Variants in CBLB observed in about 807,000 individuals in gnomAD.
CBLB encodes E3 ubiquitin-protein ligase CBL-B.
A neutral mutation model predicts 104.9 loss-of-function variants in CBLB; 31 were observed. That is an observed-to-expected ratio of 0.30 (90% CI 0.22 to 0.40). CBLB has a LOEUF of 0.40. Among genes scored for constraint, CBLB ranks in the 10% least tolerant of loss-of-function variants. CBLB has a pLI of 1.00. For missense variants in CBLB, 1,062 were observed against 1,214.6 expected (o/e 0.87, Z 1.87); for synonymous variants, 440 against 422.6 (o/e 1.04, Z -0.51).
At chr3:105,684,739 G>C (rs1559812366) in intron 14 of CBLB, among the ~76,000 whole-genome samples, 1 of 152,018 alleles carries the variant, frequency 6.6e-6, no homozygotes, top group Non-Finnish European at 1.5e-5. Context: ...TTTTAGTAGA[G>C]ACAGGGTTTC....
chr3:105,664,359 G>A (rs1178619483), intron 18 of CBLB, among the ~76,000 whole-genome samples: 1 of 152,096 alleles, frequency 6.6e-6, no homozygotes, highest in Non-Finnish European at 1.5e-5. Flanking sequence ...AATTTAAAAT[G>A]ACATTTATTT....
At chr3:105,676,086 CAACAGGCTTGAAA>C (rs748632509) in intron 17 of CBLB, among the ~76,000 whole-genome samples, 5 of 150,532 alleles carry the variant, frequency 3.3e-5, no homozygotes, top group Non-Finnish European at 5.9e-5. Flanking sequence ...AAGAGAGAGT[CAACAGGCTTGAAA>C]AACATTGCCC....
At chr3:105,812,493 G>A (rs190067245) in intron 3 of CBLB, among the ~76,000 whole-genome samples, 1 of 152,154 alleles carries the variant, frequency 6.6e-6, no homozygotes, top group East Asian at 1.9e-4. Context: ...TCTTTTCTGA[G>A]GAAGATACGA....
chr3:105,840,958 T>C (rs1446090069), intron 3 of CBLB, among the ~76,000 whole-genome samples: 1 of 152,086 alleles, frequency 6.6e-6, no homozygotes, highest in Non-Finnish European at 1.5e-5. Flanking sequence ...AAACTGTTCC[T>C]TCTTTAATTA....
chr3:105,715,238 A>T (rs2071685897), intron 10 of CBLB, among the ~76,000 whole-genome samples: 1 of 152,182 alleles, frequency 6.6e-6, no homozygotes, highest in Non-Finnish European at 1.5e-5. Flanking sequence ...CTCACATCAG[A>T]TCTAATTATC....
At chr3:105,737,149 C>A (rs751170697) in intron 8 of CBLB, 22 bp downstream of exon 8, 1 of 1,276,554 alleles carries the variant, frequency 7.8e-7, no homozygotes, top group Non-Finnish European at 1.1e-6. Flanking sequence ...TTTAATTATA[C>A]TTTTCTAGCA....
In CBLB at chr3:105,688,254, C is replaced by T. The variant is rs537778083; in HGVS notation, c.2055-2788G>A. 6.6e-5 allele frequency among the ~76,000 whole-genome samples: 10 copies of T among 152,070 alleles called. No homozygotes were observed. The South Asian group carries it at 1.9e-3, about 28-fold the overall frequency. ...CCTTTATATTCTCATCTTACATTCCCGGAGTGTTCTGCACTGATGCTGTTA... is the reference window on the plus strand; with the variant it reads ...CCTTTATATTCTCATCTTACATTCCTGGAGTGTTCTGCACTGATGCTGTTA... On this transcript the variant is annotated intron_variant, in intron 13 of 18. Transcript: ENST00000394030.
intron 10 of CBLB, among the ~76,000 whole-genome samples, chr3:105,718,776 TG>T (rs2152822588): frequency 6.6e-6 from 1 of 152,276 alleles, no homozygotes; most frequent in East Asian, 1.9e-4. Flanking sequence ...GGAGGAAGGG[TG>T]GCACCATATA....
chr3:105,813,868 G>GA, intron 3 of CBLB, among the ~76,000 whole-genome samples: 1 of 152,096 alleles, frequency 6.6e-6, no homozygotes, highest in South Asian at 2.1e-4. Context: ...CTCACTTCTG[G>GA]AAAATCAGCT....
chr3:105,670,580 TTTTATA>T (rs1423755040), intron 17 of CBLB: 3 of 499,336 alleles, frequency 6.0e-6, no homozygotes, highest in African/African-American at 1.9e-5. Flanking sequence ...AGACTACTTG[TTTTATA>T]TTTATATTTT....
intron 18 of CBLB, among the ~76,000 whole-genome samples, chr3:105,667,846 C>G (rs548342867): frequency 2.6e-4 from 39 of 152,244 alleles, no homozygotes; most frequent in African/African-American, 7.9e-4. Flanking sequence ...CATACCAGAA[C>G]CCCATTTGGT....
Position 105,681,754 on chromosome 3 carries a change from T to G in CBLB, c.2266A>C (p.Asn756His), listed in dbSNP as rs2066346123. 6.2e-7 allele frequency: 1 copy of G among 1,610,944 alleles called. No homozygotes were observed. The highest frequency in any genetic ancestry group is 8.5e-7 in the Non-Finnish European group (1 of 1,177,234). The change falls in exon 15 of 19, where the codon AAC becomes CAC. Residue 756 changes from asparagine to histidine, a missense_variant. Asn to His is a moderately conservative substitution (Grantham distance 68, BLOSUM62 1). Transcript: ENST00000394030. ...THGPSSEKKS[N>H]IPDLSIYLKG... ...AAATATATGCTTAAGTCAGGGATGT[T>G]TGATTTCTTCTCTGAAGATGGACCA...
intron 3 of CBLB, among the ~76,000 whole-genome samples, chr3:105,815,027 A>C (rs917114035): frequency 2.0e-5 from 3 of 151,554 alleles, no homozygotes; most frequent in African/African-American, 7.3e-5. Context: ...AGATGAATTC[A>C]AATGCTAGCT....
intron 6 of CBLB, 86 bp downstream of exon 6, chr3:105,745,831 G>A: frequency 8.3e-7 from 1 of 1,199,830 alleles, no homozygotes; most frequent in Non-Finnish European, 1.2e-6. Context: ...GCCATCAGCG[G>A]GTATTGCTGA....
chr3:105,788,860 T>TTCTGCC (rs2081318543), intron 3 of CBLB, among the ~76,000 whole-genome samples: 1 of 152,204 alleles, frequency 6.6e-6, no homozygotes, highest in African/African-American at 2.4e-5. Flanking sequence ...GTTTGGCAGT[T>TTCTGCC]TCTGCCTCTG....
At chr3:105,747,823 A>C (rs1180039124) in intron 5 of CBLB, among the ~76,000 whole-genome samples, 1 of 152,188 alleles carries the variant, frequency 6.6e-6, no homozygotes, top group Non-Finnish European at 1.5e-5. Flanking sequence ...TGTTTGAAAA[A>C]AAATGCTAAA....
intron 18 of CBLB, among the ~76,000 whole-genome samples, chr3:105,660,261 T>G (rs976479530): frequency 1.3e-5 from 2 of 152,152 alleles, no homozygotes; most frequent in Non-Finnish European, 2.9e-5. Context: ...CTCAGCTCAC[T>G]GCAACCTCCA....
At chr3:105,675,784 T>C (rs147094465) in intron 17 of CBLB, among the ~76,000 whole-genome samples, 70 of 146,644 alleles carry the variant, frequency 4.8e-4, no homozygotes, top group African/African-American at 1.6e-3. Flanking sequence ...ACTTAGGGGG[T>C]AGAGGCAGGA....
intron 4 of CBLB, among the ~76,000 whole-genome samples, chr3:105,756,271 T>C (rs774759945): frequency 3.3e-5 from 5 of 152,122 alleles, no homozygotes; most frequent in East Asian, 1.9e-4. Flanking sequence ...AATAAGAAAA[T>C]TGAACATGGT....
Sources: gnomAD v4.1 joint callset for allele counts (sites outside exome capture counted in the v4.1 genomes callset) on GRCh38, gnomAD v4.1.1 for gene constraint, MANE v1.5 for transcripts, NCBI Gene and HGNC (gene_info 2026-07-23, HGNC 2026-07-21) for gene names.